Variants in EHHADH observed in about 807,000 individuals in gnomAD.
The protein encoded by EHHADH is enoyl-CoA hydratase and 3-hydroxyacyl CoA dehydrogenase, also known as peroxisomal bifunctional enzyme.
EHHADH carries 48 observed loss-of-function variants against 64.4 expected under a neutral mutation model. The observed-to-expected ratio is 0.75, with a 90% CI of 0.59 to 0.95. EHHADH has a LOEUF of 0.95. Ranked by LOEUF, EHHADH falls within the 40% of genes least tolerant of loss-of-function variation. The pLI, the probability that EHHADH is intolerant of heterozygous loss-of-function variation, is 0.00. For synonymous variants in EHHADH, 308 were observed against 326.7 expected, an observed-to-expected ratio of 0.94 and a Z score of 0.62; for missense variants, 854 against 876.6, an observed-to-expected ratio of 0.97 and a Z score of 0.33.
intron 6 of EHHADH, among the ~76,000 whole-genome samples, chr3:185,201,082 T>C (rs1283539542): frequency 1.3e-5 from 2 of 151,942 alleles, no homozygotes; most frequent in African/African-American, 4.8e-5. Context: ...AGGAAAGATA[T>C]GAGGTGGTGG....
At chr3:185,203,092 AAAAG>A (rs1382956119) in intron 6 of EHHADH, among the ~76,000 whole-genome samples, 4 of 152,144 alleles carry the variant, frequency 2.6e-5, no homozygotes, top group Non-Finnish European at 5.9e-5. Flanking sequence ...AAAAAAAGAA[AAAAG>A]AAAGAAAAAT....
intron 4 of EHHADH, among the ~76,000 whole-genome samples, chr3:185,228,217 G>T (rs1231030602): frequency 1.0e-5 from 1 of 100,330 alleles, no homozygotes; most frequent in Non-Finnish European, 1.8e-5. Flanking sequence ...CCTGGCGATA[G>T]AGTGAGACTC....
rs137875298 is a variant in EHHADH, at chr3:185,192,512, T to C, written c.1886A>G (p.Asn629Ser). 7.0e-5 allele frequency: 113 copies of C among 1,614,212 alleles called. No individual in the cohort carries two copies. The highest frequency in any genetic ancestry group is 8.5e-5 in the Non-Finnish European group (100 of 1,180,036). ...ILERCLYSLINEAFRILGEGI... is the reference protein window; with the variant it reads ...ILERCLYSLISEAFRILGEGI... ...TTCTCCCAAGATACGGAATGCTTCA[T>C]TGATAAGTGAATATAAGCAGCGTTC... Residue 629 changes from asparagine to serine, a missense_variant, in exon 7 of 7, where the codon AAT becomes AGT. Transcript: ENST00000231887.
rs150817420 is a variant in EHHADH at position 185,197,759 on chromosome 3, G to A, written c.911-4272C>T. Among the ~76,000 whole-genome samples, 503 of 152,232 alleles carry A rather than the reference G, an allele frequency of 3.3e-3. 1 individual carries two copies. Among genetic ancestry groups the A allele is most frequent in the African/African-American group, 0.012 (479 of 41,542 alleles). Reference sequence around the variant, plus strand: ...GTGAGTAATGCTATTATGAACATGAGTGTAAAAATATCTATTTGAGTCCCT... The same window carrying A: ...GTGAGTAATGCTATTATGAACATGAATGTAAAAATATCTATTTGAGTCCCT... On this transcript the variant is annotated intron_variant, in intron 6 of 6. Transcript: ENST00000231887.
In EHHADH at chr3:185,192,557, A is replaced by T; in HGVS notation, c.1841T>A (p.Ile614Asn). Reference sequence around the variant, plus strand: ...GCGTTCAAGGATCTCATCCTGGCTAATGGTACGTGGTTCAATGTGATGGGT... The same window carrying T: ...GCGTTCAAGGATCTCATCCTGGCTATTGGTACGTGGTTCAATGTGATGGGT... The part of the protein sequence containing the change: ...RKTHHIEPRT[I>N]SQDEILERCL... The change falls in exon 7 of 7, where the codon ATT becomes AAT. Residue 614 changes from isoleucine to asparagine, a missense_variant. By Grantham distance (149) the Ile-to-Asn change is moderately radical. Coordinates refer to ENST00000231887, the MANE Select transcript of EHHADH (RefSeq NM_001966.4). The T allele has an allele frequency of 2.5e-6, 4 of 1,614,198 alleles. No individual in the cohort carries two copies. The highest frequency in any genetic ancestry group is 3.4e-6 in the Non-Finnish European group (4 of 1,180,034).
chr3:185,226,660 A>AG (rs1209119589), intron 4 of EHHADH, among the ~76,000 whole-genome samples: 8 of 106,156 alleles, frequency 7.5e-5, no homozygotes, highest in Admixed American at 2.0e-4. Context: ...CAAAAAAAAA[A>AG]AAAAAAAGAA....
chr3:185,250,442 A>G (rs373487553), intron 1 of EHHADH, among the ~76,000 whole-genome samples: 1 of 152,186 alleles, frequency 6.6e-6, no homozygotes, highest in East Asian at 1.9e-4. Context: ...GAAGGAGGGG[A>G]TTAATAAGTA....
chr3:185,218,216 G>T lies in EHHADH; in HGVS notation c.488C>A (p.Ala163Glu). The T allele has an allele frequency of 6.2e-7, 1 of 1,604,512 alleles. No individual in the cohort carries two copies. The change falls in exon 5 of 7, where the codon GCA becomes GAA. Residue 163 changes from alanine (A) to glutamate (E), a missense_variant. Physicochemically the swap from Ala to Glu is moderately radical, Grantham distance 107 (BLOSUM62 -1). Transcript: ENST00000231887. ...TTTATCTAGAATGCCCAGCTTGAGTGCTTCATCTGCTAAAATACGTCTTCC... is the reference window on the plus strand; with the variant it reads ...TTTATCTAGAATGCCCAGCTTGAGTTCTTCATCTGCTAAAATACGTCTTCC... ...TSGRRILADE[A>E]LKLGILDKVV...
At chr3:185,210,751 G>A (rs1718520241) in intron 5 of EHHADH, among the ~76,000 whole-genome samples, 2 of 152,072 alleles carry the variant, frequency 1.3e-5, no homozygotes, top group East Asian at 3.9e-4. Context: ...AGAGAGTGTT[G>A]TCCGCCACTG....
chr3:185,193,299 A>G lies in EHHADH; in HGVS notation c.1099T>C (p.Ser367Pro). Residue 367 changes from serine (S) to proline (P), a missense_variant, in exon 7 of 7, where the codon TCA (serine) becomes CCA (proline). By Grantham distance (74) the Ser-to-Pro change is moderately conservative (BLOSUM62 -1). Transcript: ENST00000231887. ...PWSGPKPRLT[S>P]SVKELGGVDL... ...ACACCACCAAGCTCCTTCACAGATG[A>G]AGTTAACCTGGGTTTTGGTCCTGAC... The G allele has an allele frequency of 6.2e-7, 1 of 1,608,856 alleles. No individual in the cohort carries two copies. The highest frequency in any genetic ancestry group is 8.5e-7 in the Non-Finnish European group (1 of 1,178,052).
At chr3:185,227,698 TG>T (rs1262559890) in intron 4 of EHHADH, among the ~76,000 whole-genome samples, 1 of 151,956 alleles carries the variant, frequency 6.6e-6, no homozygotes, top group Non-Finnish European at 1.5e-5. Flanking sequence ...TGGAGGTGCA[TG>T]CCTGTAATCC....
At chr3:185,241,795 A>G (rs1163427248) in intron 2 of EHHADH, among the ~76,000 whole-genome samples, 1 of 152,100 alleles carries the variant, frequency 6.6e-6, no homozygotes, top group Non-Finnish European at 1.5e-5. Context: ...AAAGCTCTTT[A>G]GTTTAATTAA....
chr3:185,240,469 T>C (rs1305282107), intron 2 of EHHADH, among the ~76,000 whole-genome samples: 1 of 151,988 alleles, frequency 6.6e-6, no homozygotes, highest in African/African-American at 2.4e-5. Context: ...CTGTTCAGGA[T>C]TTCTATTTCT....
Position 185,253,826 on chromosome 3 carries a change from C to T in EHHADH, c.74+123G>A, listed in dbSNP as rs1439674042. The T allele has an allele frequency of 1.2e-5, 17 of 1,421,402 alleles. No homozygotes were observed. The Admixed American group carries it at 2.3e-4, about 20-fold the overall frequency. The allele number at this position is 1,421,402 out of a possible 1,614,324, so 88.0% of individuals were successfully genotyped here. A position where few individuals can be genotyped will look rare whatever the true frequency, so the allele number is the denominator to read the frequency against. ...GAAAAAAAAAGTTCCTGGCATGTAC[C>T]AGTTGCTCAACTCTTGAGTGTCCTT... is the stretch of plus-strand genomic sequence containing the variant. On this transcript the variant is annotated intron_variant, in intron 1 of 6. Transcript: ENST00000231887.
At chr3:185,201,017 A>C (rs1718206914) in intron 6 of EHHADH, among the ~76,000 whole-genome samples, 2 of 152,212 alleles carry the variant, frequency 1.3e-5, no homozygotes, top group South Asian at 4.1e-4. Context: ...AATAAAGATA[A>C]GGGGAGCTGA....
rs1448976663 is a variant in EHHADH, at chr3:185,235,142, T to G, written c.351+148A>C. Reference sequence around the variant, plus strand: ...TTGCAGTGAGCCGAGATCACACCACTGCACTCCAGCCTGGAAGACAGAGTG... The same window carrying G: ...TTGCAGTGAGCCGAGATCACACCACGGCACTCCAGCCTGGAAGACAGAGTG... On this transcript the variant is annotated intron_variant, in intron 3 of 6. Transcript: ENST00000231887. 23 of 688,190 alleles carry G rather than the reference T, an allele frequency of 3.3e-5. No individual in the cohort carries two copies. The East Asian group carries it at 7.3e-4, about 22-fold the overall frequency. The allele number at this position is 688,190 out of a possible 1,614,324, so 42.6% of individuals were successfully genotyped here. A position where few individuals can be genotyped will look rare whatever the true frequency, so the allele number is the denominator to read the frequency against.
At chr3:185,209,493 T>A (rs887308055) in intron 5 of EHHADH, among the ~76,000 whole-genome samples, 15 of 152,224 alleles carry the variant, frequency 9.9e-5, no homozygotes, top group Non-Finnish European at 1.9e-4. Flanking sequence ...AAAACCATTT[T>A]ATCAAAAATG....
chr3:185,211,105 A>T (rs1718529022), intron 5 of EHHADH, among the ~76,000 whole-genome samples: 1 of 152,172 alleles, frequency 6.6e-6, no homozygotes, highest in Non-Finnish European at 1.5e-5. Flanking sequence ...ATAACTAAGG[A>T]TGCTGTTATC....
chr3:185,247,205 C>T (rs2108652376), intron 2 of EHHADH, among the ~76,000 whole-genome samples: 1 of 152,196 alleles, frequency 6.6e-6, no homozygotes, highest in South Asian at 2.1e-4. Context: ...GTGCATTGTT[C>T]TATGTAAATG....
Sources: allele counts gnomAD v4.1 joint callset (sites outside exome capture counted in the v4.1 genomes callset), GRCh38; gene constraint gnomAD v4.1.1; transcripts MANE v1.5; gene names NCBI Gene and HGNC (gene_info 2026-07-23, HGNC 2026-07-21).